Variants in PLXNB3 observed in about 807,000 individuals in gnomAD.
PLXNB3 encodes the protein plexin-B3.
In PLXNB3, 80 loss-of-function variants were observed where a neutral mutation model predicts 125.7. The ratio of observed to expected loss-of-function variants is 0.64; its 90% CI spans 0.53 to 0.77. The LOEUF is 0.77. Among genes scored for constraint, PLXNB3 ranks in the 30% least tolerant of loss-of-function variants. The probability of loss-of-function intolerance (pLI) is 0.00; values close to 1 mark genes in which losing one functional copy is unlikely to be tolerated. For missense variants in PLXNB3, 1,836 were observed against 1,729.3 expected (o/e 1.06, Z -1.09); for synonymous variants, 954 against 783.3 (o/e 1.22, Z -3.64).
chrX:153,773,628 C>T lies in PLXNB3; in HGVS notation c.3194C>T (p.Pro1065Leu). ...GAGGTGCAGGCTTCCAGGGCCCAGC[C>T]CCAGGACCCACAGCCAAGGAGGAGC... ...DAEVQASRAQ[P>L]QDPQPRRSCG... The change falls in exon 19 of 36, where the codon CCC becomes CTC. Residue 1065 changes from proline (P) to leucine (L), a missense_variant. Transcript: ENST00000361971. The T allele has an allele frequency of 8.3e-7, 1 of 1,201,932 alleles. No individual in the cohort carries two copies. Among genetic ancestry groups the T allele is most frequent in the Non-Finnish European group, 1.1e-6 (1 of 891,187 alleles).
chrX:153,768,457 G>T (rs1226837853), intron 4 of PLXNB3, 29 bp downstream of exon 4: 1 of 1,157,855 alleles, frequency 8.6e-7, no homozygotes, highest in African/African-American at 1.8e-5. Context: ...TGTCCGGCTG[G>T]GTGTGCCCCT....
chrX:153,777,887 T>C, intron 31 of PLXNB3, 61 bp from the exon 32 acceptor site: 1 of 1,152,989 alleles, frequency 8.7e-7, no homozygotes, highest in Non-Finnish European at 1.2e-6. Context: ...CTGGAGTACA[T>C]GGGGCGGAGA....
In PLXNB3 at chrX:153,770,465, C is replaced by T. The variant is rs1557061290; in HGVS notation, c.1895+19C>T. ...CTGCCCCGTGAGTCCCTGGGCCTGC[C>T]TCCTGGGGTAGGGGTGGCGACCCCA... On this transcript the variant is annotated intron_variant, in intron 9 of 35. Coordinates refer to ENST00000361971, the MANE Select transcript of PLXNB3 (RefSeq NM_005393.3). 1 of 1,201,056 alleles carries T rather than the reference C, an allele frequency of 8.3e-7. No homozygotes were observed. The highest frequency in any genetic ancestry group is 1.7e-5 in the African/African-American group (1 of 57,523).
At chrX:153,772,506 C>T (rs113475963) in intron 16 of PLXNB3, among the ~76,000 whole-genome samples, 4 of 111,943 alleles carry the variant, frequency 3.6e-5, no homozygotes, top group Non-Finnish European at 7.5e-5. Context: ...TTGGTGGCAC[C>T]GTTTCCTGGG....
Position 153,767,751 on chromosome X carries a change from G to T in PLXNB3, c.924G>T (p.Arg308Ser). The change falls in exon 3 of 36, where the codon AGG becomes AGT. Residue 308 changes from arginine (R) to serine (S), a missense_variant. Arg to Ser is a moderately radical substitution (Grantham distance 110). Transcript: ENST00000361971. ...TLLGVFAAGP[R>S]GTQAALCAFP... Reference sequence around the variant, plus strand: ...TAGGGGTGTTTGCCGCGGGCCCAAGGGGCACCCAGGCGGCGCTCTGTGCCT... The same window carrying T: ...TAGGGGTGTTTGCCGCGGGCCCAAGTGGCACCCAGGCGGCGCTCTGTGCCT... 1 of 1,171,529 alleles carries T rather than the reference G, an allele frequency of 8.5e-7. No homozygotes were observed. Among genetic ancestry groups the T allele is most frequent in the East Asian group, 3.2e-5 (1 of 31,298 alleles).
chrX:153,768,547 A>C, intron 4 of PLXNB3, 119 bp downstream of exon 4: 1 of 651,466 alleles, frequency 1.5e-6, no homozygotes, highest in Non-Finnish European at 2.3e-6. Context: ...GGACTTTGCC[A>C]CACAGTGACT....
At chrX:153,776,488 CGGGGCT>C in intron 28 of PLXNB3, 29 bp downstream of exon 28, 1 of 229,339 alleles carries the variant, frequency 4.4e-6, no homozygotes, top group Non-Finnish European at 8.4e-6. Context: ...CGAGGCAGGG[CGGGGCT>C]GGGGCGGGGC....
At chrX:153,777,109 C>T in intron 29 of PLXNB3, 99 bp from the exon 30 acceptor site, 3 of 1,041,931 alleles carry the variant, frequency 2.9e-6, no homozygotes, top group Non-Finnish European at 3.9e-6. Context: ...TTCCTTTCTT[C>T]CAGTCCCCAC....
intron 6 of PLXNB3, 96 bp downstream of exon 6, chrX:153,769,358 C>T (rs940411614): frequency 5.1e-5 from 35 of 689,084 alleles, no homozygotes; most frequent in Non-Finnish European, 7.2e-5. Flanking sequence ...GGAGGCCAAC[C>T]CTGCCTGTTG....
chrX:153,773,478 G>A, intron 18 of PLXNB3, 40 bp from the exon 19 acceptor site: 1 of 1,180,941 alleles, frequency 8.5e-7, no homozygotes, highest in South Asian at 1.9e-5. Context: ...GGGCTATGTT[G>A]CCCACCGCCC....
Position 153,777,693 on chromosome X carries a change from C to T in PLXNB3, c.5261+5C>T. 1.7e-6 allele frequency: 2 copies of T among 1,208,683 alleles called. No homozygotes were observed. Among genetic ancestry groups the T allele is most frequent in the Non-Finnish European group, 2.2e-6 (2 of 893,117 alleles). On this transcript the variant is annotated splice_donor_5th_base_variant and intron_variant, in intron 31 of 35. Coordinates refer to ENST00000361971, the MANE Select transcript of PLXNB3 (RefSeq NM_005393.3). ...GCACATCTGGAAGACCAACAGGTGCCTTTCCTGCTGCCCCACCCCTGCTGT... is the reference window on the plus strand; with the variant it reads ...GCACATCTGGAAGACCAACAGGTGCTTTTCCTGCTGCCCCACCCCTGCTGT...
chrX:153,776,786 A>AGGGCGGGTCTG, intron 28 of PLXNB3, 101 bp from the exon 29 acceptor site: 1 of 357,183 alleles, frequency 2.8e-6, no homozygotes, highest in Non-Finnish European at 4.2e-6. Flanking sequence ...GAGGCAGGGC[A>AGGGCGGGTCTG]GGGCGGGTCT....
intron 16 of PLXNB3, 63 bp downstream of exon 16, chrX:153,772,350 G>A (rs782719500): frequency 9.5e-5 from 81 of 851,782 alleles, no homozygotes; most frequent in Non-Finnish European, 1.2e-4. Context: ...AGGAAGGACA[G>A]GCGCCTAGTA....
chrX:153,772,608 G>T, intron 16 of PLXNB3: 3 of 776,916 alleles, frequency 3.9e-6, no homozygotes, highest in Non-Finnish European at 5.1e-6. Context: ...AGGTCTGGGG[G>T]CTGTAAGCTG....
chrX:153,773,134 G>T, intron 17 of PLXNB3, 96 bp from the exon 18 acceptor site: 1 of 1,077,481 alleles, frequency 9.3e-7, no homozygotes. Flanking sequence ...CCTTGTCAAG[G>T]CAGGCAAAGC....
rs782105343 is a variant in PLXNB3 at position 153,774,376 on chromosome X, C to T, written c.3678+32C>T. The T allele has an allele frequency of 6.5e-5, 75 of 1,154,617 alleles. No individual in the cohort carries two copies. In the South Asian group the frequency reaches 1.3e-3, roughly 21 times the overall value. ...CCGTGCCCTGGGTGGGCAGGTGGAC[C>T]GGGTGCCGCCAGCATGCACTCAGGA... On this transcript the variant is annotated intron_variant, in intron 21 of 35. Coordinates refer to ENST00000361971, the MANE Select transcript of PLXNB3 (RefSeq NM_005393.3).
At chrX:153,773,104 C>A in intron 17 of PLXNB3, 88 bp downstream of exon 17, 1 of 1,073,781 alleles carries the variant, frequency 9.3e-7, no homozygotes, top group East Asian at 3.1e-5. Flanking sequence ...GTTGCTGTGG[C>A]CACCCCCAGT....
In PLXNB3 at chrX:153,777,235, A is replaced by AG. The variant is rs782076287; in HGVS notation, c.4963dup (p.Val1655GlyfsTer76). ...ATACCCACGCTGGAGGATGGCGAGG[A>AG]GGGGGGGGTGTGCCTCTGGCACCTG... On this transcript the variant is annotated frameshift_variant, in exon 30 of 36. Coordinates refer to ENST00000361971, the MANE Select transcript of PLXNB3 (RefSeq NM_005393.3). LOFTEE classifies it high-confidence loss of function. 18 of 1,162,447 alleles carry AG rather than the reference A, an allele frequency of 1.5e-5. No individual in the cohort carries two copies. Among genetic ancestry groups the AG allele is most frequent in the East Asian group, 6.3e-5 (2 of 31,593 alleles).
At position 153,774,031 on chromosome X, in the gene PLXNB3, C is replaced by T. The variant is rs1396466475; in HGVS notation, c.3452C>T (p.Ala1151Val). ...GFLYQPNPRL[A>V]PLSREGPARP... is the part of the protein sequence containing the mutation. ...CTGTACCAGCCCAACCCCCGCCTGG[C>T]ACCCCTCAGCCGCGAGGGGCCTGCC... Residue 1151 changes from alanine (A) to valine (V), a missense_variant, in exon 20 of 36, where the codon GCA becomes GTA. Coordinates refer to ENST00000361971, the MANE Select transcript of PLXNB3 (RefSeq NM_005393.3). 11 of 1,198,829 alleles carry T rather than the reference C, an allele frequency of 9.2e-6. No homozygotes were observed. The highest frequency in any genetic ancestry group is 1.8e-5 in the South Asian group (1 of 55,343).
Sources: allele counts gnomAD v4.1 joint callset (sites outside exome capture counted in the v4.1 genomes callset), GRCh38; gene constraint gnomAD v4.1.1; transcripts MANE v1.5; gene names NCBI Gene and HGNC (gene_info 2026-07-23, HGNC 2026-07-21).